Variants in GNA12 observed in about 807,000 individuals in gnomAD.
GNA12 encodes G protein subunit alpha 12, also known as guanine nucleotide-binding protein subunit alpha-12.
A neutral mutation model predicts 26.0 loss-of-function variants in GNA12; 9 were observed. The observed-to-expected ratio is 0.35, with a 90% CI of 0.21 to 0.60. The LOEUF (loss-of-function observed/expected upper bound fraction) is 0.60. Among genes scored for constraint, GNA12 ranks in the 20% least tolerant of loss-of-function variants. GNA12 has a pLI of 0.78. For synonymous variants in GNA12, 264 were observed against 219.6 expected, an observed-to-expected ratio of 1.20 and a Z score of -1.79; for missense variants, 405 against 525.8, an observed-to-expected ratio of 0.77 and a Z score of 2.25.
At chr7:2,747,944 A>C (rs934543772) in intron 2 of GNA12, among the ~76,000 whole-genome samples, 1 of 151,664 alleles carries the variant, frequency 6.6e-6, no homozygotes, top group Non-Finnish European at 1.5e-5. Flanking sequence ...TAGGAATCCA[A>C]CTTACAAGGG....
chr7:2,812,548 A>C (rs1793105064), intron 1 of GNA12, among the ~76,000 whole-genome samples: 1 of 151,858 alleles, frequency 6.6e-6, no homozygotes, highest in Non-Finnish European at 1.5e-5. Flanking sequence ...AGAATCACTT[A>C]AACCCAGGAG....
intron 2 of GNA12, among the ~76,000 whole-genome samples, chr7:2,737,289 G>GTTTTTTTT (rs11389467): frequency 3.7e-4 from 23 of 62,264 alleles, no homozygotes; most frequent in African/African-American, 6.1e-4. Flanking sequence ...TTTTTTTTTT[G>GTTTTTTTT]TTTTTTTTTT....
intron 2 of GNA12, among the ~76,000 whole-genome samples, chr7:2,781,891 C>G (rs1306117329): frequency 6.6e-6 from 1 of 152,214 alleles, no homozygotes; most frequent in African/African-American, 2.4e-5. Context: ...CAAAGACTCA[C>G]AGTTCCCACT....
intron 1 of GNA12, among the ~76,000 whole-genome samples, chr7:2,841,221 G>T (rs185809769): frequency 6.6e-6 from 1 of 152,148 alleles, no homozygotes; most frequent in Non-Finnish European, 1.5e-5. Flanking sequence ...GTGCGATCTC[G>T]GCTCACTGCA....
intron 1 of GNA12, among the ~76,000 whole-genome samples, chr7:2,840,484 C>T (rs1247173985): frequency 2.0e-5 from 3 of 152,182 alleles, no homozygotes; most frequent in Non-Finnish European, 4.4e-5. Context: ...AACACTAACC[C>T]TCTATATAGC....
chr7:2,823,903 G>A (rs1040478687), intron 1 of GNA12, among the ~76,000 whole-genome samples: 56 of 151,946 alleles, frequency 3.7e-4, no homozygotes, highest in Non-Finnish European at 6.9e-4. Context: ...CAGAGATAAG[G>A]GCAATAAAAA....
At chr7:2,840,695 C>A (rs759856345) in intron 1 of GNA12, among the ~76,000 whole-genome samples, 30 of 152,032 alleles carry the variant, frequency 2.0e-4, no homozygotes, top group Non-Finnish European at 3.8e-4. Flanking sequence ...CCCATCTCTA[C>A]AAAAATGAGC....
chr7:2,844,246 C>CCGCCCCA lies in GNA12; in HGVS notation c.-92_-86dup. On this transcript the variant is annotated 5_prime_UTR_variant, in exon 1 of 4. Transcript: ENST00000275364. Reference sequence around the variant, plus strand: ...GCGAGGGCGAGCCCGGGCCGAGGCACCGCCCCACGCCCCGCCGCTCGCCTC... The same window carrying CCGCCCCA: ...GCGAGGGCGAGCCCGGGCCGAGGCACCGCCCCACGCCCCACGCCCCGCCGCTCGCCTC... 2 of 613,954 alleles carry CCGCCCCA rather than the reference C, an allele frequency of 3.3e-6. No homozygotes were observed. Among genetic ancestry groups the CCGCCCCA allele is most frequent in the South Asian group, 1.3e-4 (2 of 15,008 alleles). The allele number at this position is 613,954 out of a possible 1,614,324, so 38.0% of individuals were successfully genotyped here.
At chr7:2,809,971 C>G (rs1379717627) in intron 1 of GNA12, among the ~76,000 whole-genome samples, 1 of 152,186 alleles carries the variant, frequency 6.6e-6, no homozygotes, top group Non-Finnish European at 1.5e-5. Flanking sequence ...TAAAGGCATT[C>G]TGAATTCGGA....
At chr7:2,833,974 T>G (rs2114975992) in intron 1 of GNA12, among the ~76,000 whole-genome samples, 2 of 152,346 alleles carry the variant, frequency 1.3e-5, no homozygotes, top group Non-Finnish European at 2.9e-5. Context: ...TCTTTGATAT[T>G]CCACAACAAA....
At chr7:2,792,701 T>A (rs1792550565) in intron 2 of GNA12, among the ~76,000 whole-genome samples, 1 of 152,234 alleles carries the variant, frequency 6.6e-6, no homozygotes, top group Non-Finnish European at 1.5e-5. Flanking sequence ...GATTAAAATT[T>A]CCTTTCTACC....
At chr7:2,773,865 G>A (rs913540173) in intron 2 of GNA12, among the ~76,000 whole-genome samples, 4 of 152,036 alleles carry the variant, frequency 2.6e-5, no homozygotes, top group East Asian at 1.9e-4. Flanking sequence ...GCGTCTACCC[G>A]GACGCCCATC....
intron 2 of GNA12, among the ~76,000 whole-genome samples, chr7:2,740,036 A>C (rs889534175): frequency 6.6e-6 from 1 of 152,182 alleles, no homozygotes; most frequent in Non-Finnish European, 1.5e-5. Context: ...CGGCGGCTGC[A>C]CAAGTTTACA....
At chr7:2,771,527 G>C (rs947115674) in intron 2 of GNA12, among the ~76,000 whole-genome samples, 1 of 152,156 alleles carries the variant, frequency 6.6e-6, no homozygotes, top group African/African-American at 2.4e-5. Context: ...GCATATTCTA[G>C]ATTCTCATGT....
chr7:2,769,826 G>GTTTAAGATA (rs1268032504), intron 2 of GNA12, among the ~76,000 whole-genome samples: 3 of 152,116 alleles, frequency 2.0e-5, no homozygotes, highest in African/African-American at 7.2e-5. Flanking sequence ...ATGAACAAGG[G>GTTTAAGATA]TTTAAGATAC....
chr7:2,807,080 C>A (rs534506067), intron 1 of GNA12, among the ~76,000 whole-genome samples: 1 of 152,222 alleles, frequency 6.6e-6, no homozygotes, highest in Non-Finnish European at 1.5e-5. Context: ...CTATTTGCTT[C>A]ACGAAAATTG....
At position 2,732,879 on chromosome 7, in the gene GNA12, T is replaced by C. The variant is rs79540796; in HGVS notation, c.576+572A>G. Among the ~76,000 whole-genome samples the C allele has an allele frequency of 8.8e-3, 1,344 of 152,310 alleles. 17 individuals carry two copies. Among genetic ancestry groups the C allele is most frequent in the African/African-American group, 0.03 (1,262 of 41,572 alleles). ...AATGGCAATGCATGACCTTATTAGGTTGTTGATTCAAACTCTGCTAAAACA... is the reference window on the plus strand; with the variant it reads ...AATGGCAATGCATGACCTTATTAGGCTGTTGATTCAAACTCTGCTAAAACA... On this transcript the variant is annotated intron_variant, in intron 3 of 3. Transcript: ENST00000275364.
chr7:2,762,821 C>A (rs1451660858), intron 2 of GNA12: 16 of 1,522,432 alleles, frequency 1.1e-5, no homozygotes, highest in Admixed American at 2.1e-5. Context: ...CTCCCATCCG[C>A]CACACACCCA....
At position 2,755,588 on chromosome 7, in the gene GNA12, T is replaced by C. The variant is rs150235974; in HGVS notation, c.526-22087A>G. Among the ~76,000 whole-genome samples, 129 of 152,370 alleles carry C rather than the reference T, an allele frequency of 8.5e-4. 1 individual carries two copies. The highest frequency in any genetic ancestry group is 2.9e-3 in the African/African-American group (121 of 41,582). ...AGAAGTAAAATTTATATTTTGTATATGGATCTTGTATCCTGTAGCCTTGCT... is the reference window on the plus strand; with the variant it reads ...AGAAGTAAAATTTATATTTTGTATACGGATCTTGTATCCTGTAGCCTTGCT... On this transcript the variant is annotated intron_variant, in intron 2 of 3. Coordinates refer to ENST00000275364, the MANE Select transcript of GNA12 (RefSeq NM_007353.3).
Sources: allele counts gnomAD v4.1 joint callset (sites outside exome capture counted in the v4.1 genomes callset), GRCh38; gene constraint gnomAD v4.1.1; transcripts MANE v1.5; gene names NCBI Gene and HGNC (gene_info 2026-07-23, HGNC 2026-07-21).